Variants in ITIH5 observed in about 807,000 individuals in gnomAD.
ITIH5 encodes inter-alpha-trypsin inhibitor heavy chain 5, also known as inter-alpha-trypsin inhibitor heavy chain H5.
A neutral mutation model predicts 77.5 loss-of-function variants in ITIH5; 65 were observed. The ratio of observed to expected loss-of-function variants is 0.84; its 90% CI spans 0.69 to 1.03. ITIH5 has a LOEUF of 1.03. Ranked by LOEUF, ITIH5 falls within the 50% of genes least tolerant of loss-of-function variation. ITIH5 has a pLI of 0.00. For missense variants in ITIH5, 1,208 were observed against 1,213.1 expected, an observed-to-expected ratio of 1.00 and a Z score of 0.06; for synonymous variants, 525 against 494.3, an observed-to-expected ratio of 1.06 and a Z score of -0.82.
At position 7,588,095 on chromosome 10, in the gene ITIH5, C is replaced by T. The variant is rs373916682; in HGVS notation, c.940-2026G>A. 7.2e-5 allele frequency among the ~76,000 whole-genome samples: 11 copies of T among 152,310 alleles called. No individual in the cohort carries two copies. The East Asian group carries it at 1.7e-3, about 24-fold the overall frequency. ...CTCAATGCATCTATTTTTAAATCTGCACATTAGGCCAGGTGCGGTGGCTCA... is the reference window on the plus strand; with the variant it reads ...CTCAATGCATCTATTTTTAAATCTGTACATTAGGCCAGGTGCGGTGGCTCA... On this transcript the variant is annotated intron_variant, in intron 7 of 13. Coordinates refer to ENST00000397146, the MANE Select transcript of ITIH5 (RefSeq NM_030569.7).
At chr10:7,617,517 TAG>T (rs370271281) in intron 5 of ITIH5, 5 of 330,364 alleles carry the variant, frequency 1.5e-5, no homozygotes, top group African/African-American at 1.1e-4. Flanking sequence ...CACACAAAAG[TAG>T]AGAGAATAGT....
intron 5 of ITIH5, among the ~76,000 whole-genome samples, chr10:7,629,622 T>C (rs1216635666): frequency 7.2e-6 from 1 of 137,974 alleles, no homozygotes; most frequent in Non-Finnish European, 1.7e-5. Context: ...TGTTGCAGCG[T>C]GTGTCTGTGT....
intron 13 of ITIH5, among the ~76,000 whole-genome samples, chr10:7,564,903 C>T (rs573769431): frequency 1.8e-5 from 1 of 55,672 alleles, no homozygotes; most frequent in African/African-American, 5.9e-5. Flanking sequence ...CATACATATA[C>T]AGACTGTGTG....
intron 5 of ITIH5, among the ~76,000 whole-genome samples, chr10:7,631,114 CA>C (rs113877893): frequency 1.3e-5 from 2 of 152,040 alleles, no homozygotes; most frequent in African/African-American, 4.8e-5. Context: ...CAGGACATCA[CA>C]GTCTAGACCC....
chr10:7,644,249 AT>A (rs200604553), intron 2 of ITIH5, among the ~76,000 whole-genome samples: 1,444 of 135,190 alleles, frequency 0.011, 31 homozygotes, highest in African/African-American at 0.041. Flanking sequence ...GAAAAAAAAT[AT>A]ATATATATAT....
chr10:7,564,505 G>A lies in ITIH5; in HGVS notation c.2528-1121C>T, dbSNP rs532284257. 9.5e-4 allele frequency among the ~76,000 whole-genome samples: 144 copies of A among 152,056 alleles called. 1 individual carries two copies. The South Asian group carries it at 0.015, about 16-fold the overall frequency. ...TTTAGATGAACAAATACTTATCATC[G>A]TGTTGCAATTGCCTGCAGTAGTCCA... is the stretch of plus-strand genomic sequence containing the variant. On this transcript the variant is annotated intron_variant, in intron 13 of 13. Transcript: ENST00000397146.
chr10:7,604,815 T>C (rs1198781775), intron 7 of ITIH5, among the ~76,000 whole-genome samples: 3 of 115,940 alleles, frequency 2.6e-5, no homozygotes, highest in South Asian at 3.3e-4. Flanking sequence ...TTTTGAATAA[T>C]GTAAGATTGT....
At chr10:7,563,482 T>C in intron 13 of ITIH5, 98 bp from the exon 14 acceptor site, 3 of 1,114,842 alleles carry the variant, frequency 2.7e-6, no homozygotes, top group Non-Finnish European at 3.9e-6. Context: ...GGCTTACAAC[T>C]GGCCACAGCC....
At chr10:7,574,527 C>T (rs1832366996) in intron 10 of ITIH5, among the ~76,000 whole-genome samples, 1 of 152,078 alleles carries the variant, frequency 6.6e-6, no homozygotes, top group Non-Finnish European at 1.5e-5. Context: ...GGCGCAGTGG[C>T]TCATGCCTGT....
At position 7,585,902 on chromosome 10, in the gene ITIH5, T is replaced by G. The variant is rs1832666951; in HGVS notation, c.1107A>C (p.Gly369=). The G allele has an allele frequency of 6.3e-7, 1 of 1,598,910 alleles. No individual in the cohort carries two copies. The highest frequency in any genetic ancestry group is 8.5e-7 in the Non-Finnish European group (1 of 1,172,728). Reference sequence around the variant, plus strand: ...GTGAAAAGAAGGTGTCATCTTTACCTCCAGTGGGTGACATATGGTGAATGT... The same window carrying G: ...GTGAAAAGAAGGTGTCATCTTTACCGCCAGTGGGTGACATATGGTGAATGT... ...KVYIHHMSPT[G]GTDINGALQR... The change falls in exon 8 of 14, where the codon GGA becomes GGC. Residue 369 remains glycine (G), a splice_region_variant and synonymous_variant. Transcript: ENST00000397146.
At chr10:7,606,367 G>A (rs576579341) in intron 7 of ITIH5, among the ~76,000 whole-genome samples, 1 of 152,252 alleles carries the variant, frequency 6.6e-6, no homozygotes, top group South Asian at 2.1e-4. Context: ...GACCATCAGT[G>A]GTGGACTCGA....
In ITIH5 at chr10:7,642,104, A is replaced by G; in HGVS notation, c.136-14T>C. 10 of 1,611,730 alleles carry G rather than the reference A, an allele frequency of 6.2e-6. No individual in the cohort carries two copies. Among genetic ancestry groups the G allele is most frequent in the Non-Finnish European group, 8.5e-6 (10 of 1,178,166 alleles). ...AGGTTTGGTTTTCTGTAGGAATGAA[A>G]ACACACAGTATCATCGGTGATGCAT... On this transcript the variant is annotated splice_polypyrimidine_tract_variant and intron_variant, in intron 2 of 13. Coordinates refer to ENST00000397146, the MANE Select transcript of ITIH5 (RefSeq NM_030569.7).
intron 5 of ITIH5, among the ~76,000 whole-genome samples, chr10:7,633,768 T>C (rs776812094): frequency 3.3e-5 from 5 of 151,992 alleles, no homozygotes; most frequent in African/African-American, 4.8e-5. Flanking sequence ...GTAATCCTCA[T>C]CTAGAATTGC....
chr10:7,644,741 CATAT>C lies in ITIH5; in HGVS notation c.136-2655_136-2652del, dbSNP rs1214591374. Among the ~76,000 whole-genome samples, 171 of 111,056 alleles carry C rather than the reference CATAT, an allele frequency of 1.5e-3. 6 individuals carry two copies. The highest frequency in any genetic ancestry group is 9.1e-3 in the African/African-American group (164 of 17,984). 72.9% of individuals were successfully genotyped at this position (111,056 alleles called of 152,430 possible). A position where few individuals can be genotyped will look rare whatever the true frequency, so the allele number is the denominator to read the frequency against. ...TCATATATATCACATATCTATATCA[CATAT>C]ATATCACATATATCACATATATATC... On this transcript the variant is annotated intron_variant, in intron 2 of 13. Coordinates refer to ENST00000397146, the MANE Select transcript of ITIH5 (RefSeq NM_030569.7).
chr10:7,591,851 CTGTTT>C (rs1343112709), intron 7 of ITIH5, among the ~76,000 whole-genome samples: 1 of 152,146 alleles, frequency 6.6e-6, no homozygotes, highest in Non-Finnish European at 1.5e-5. Context: ...GGAGCTTTTT[CTGTTT>C]TATTTATTTA....
intron 5 of ITIH5, chr10:7,622,153 C>T (rs1588406769): frequency 6.6e-6 from 1 of 152,366 alleles, no homozygotes; most frequent in Non-Finnish European, 1.5e-5. Flanking sequence ...TCATGCTCTT[C>T]CTCCACTCAC....
intron 7 of ITIH5, among the ~76,000 whole-genome samples, chr10:7,605,698 T>C (rs1833110964): frequency 6.6e-6 from 1 of 152,070 alleles, no homozygotes; most frequent in South Asian, 2.1e-4. Context: ...TTTTACCCAG[T>C]TGCAATTTCA....
chr10:7,666,813 G>A lies in ITIH5; in HGVS notation c.80C>T (p.Ser27Phe), dbSNP rs1459942059. 4 of 1,607,918 alleles carry A rather than the reference G, an allele frequency of 2.5e-6. No individual in the cohort carries two copies. The Admixed American group carries it at 5.0e-5, about 20-fold the overall frequency. ...CTCGGCTCCACTTACCTGCTCCGAA[G>A]AGTGGCCCCAGCTCTGCGCCTCTTC... ...SQEEAQSWGH[S>F]SEQDGLRVPR... Residue 27 changes from serine to phenylalanine, a missense_variant, in exon 1 of 14, where the codon TCT (serine) becomes TTT (phenylalanine). Physicochemically the swap from Ser to Phe is radical, Grantham distance 155. Transcript: ENST00000397146.
chr10:7,666,952 G>C lies in ITIH5; in HGVS notation c.-60C>G. The C allele has an allele frequency of 7.2e-7, 1 of 1,395,786 alleles. No homozygotes were observed. Among genetic ancestry groups the C allele is most frequent in the South Asian group, 1.3e-5 (1 of 79,264 alleles). 86.5% of individuals were successfully genotyped at this position (1,395,786 alleles called of 1,614,324 possible). ...GCGGGACACGCTTTGCAGCGCCCAG[G>C]GCTCCAGCCACTGCGGGACGCTCTC... is the stretch of plus-strand genomic sequence containing the variant. On this transcript the variant is annotated 5_prime_UTR_variant, in exon 1 of 14. Coordinates refer to ENST00000397146, the MANE Select transcript of ITIH5 (RefSeq NM_030569.7).
Sources: gnomAD v4.1 joint callset for allele counts (sites outside exome capture counted in the v4.1 genomes callset) on GRCh38, gnomAD v4.1.1 for gene constraint, MANE v1.5 for transcripts, NCBI Gene and HGNC (gene_info 2026-07-23, HGNC 2026-07-21) for gene names.